Variants in C12orf56 observed in about 807,000 individuals in gnomAD.
C12orf56 encodes uncharacterized protein C12orf56.
In C12orf56, 71 loss-of-function variants were observed where a neutral mutation model predicts 69.9. The ratio of observed to expected loss-of-function variants is 1.02; its 90% CI spans 0.84 to 1.24. The LOEUF (loss-of-function observed/expected upper bound fraction) is 1.24, where lower values mean the gene tolerates loss of function less well. C12orf56 is among the 50% of genes most tolerant of loss of function. The pLI is 0.00. For missense variants in C12orf56, 732 were observed against 738.5 expected, an observed-to-expected ratio of 0.99 and a Z score of 0.10; for synonymous variants, 276 against 274.1, an observed-to-expected ratio of 1.01 and a Z score of -0.07.
chr12:64,380,135 C>CAAAA (rs796914776), intron 1 of C12orf56, among the ~76,000 whole-genome samples: 1 of 43,262 alleles, frequency 2.3e-5, no homozygotes, highest in African/African-American at 6.2e-5. Flanking sequence ...AAAAAAAAAA[C>CAAAA]AAAACAAACA....
chr12:64,336,559 A>G (rs1282572579), intron 2 of C12orf56, among the ~76,000 whole-genome samples: 1 of 152,168 alleles, frequency 6.6e-6, no homozygotes, highest in Non-Finnish European at 1.5e-5. Context: ...TAGATACCCT[A>G]ATTAGTGTGA....
intron 6 of C12orf56, among the ~76,000 whole-genome samples, chr12:64,299,799 A>G (rs1270491541): frequency 6.6e-6 from 1 of 152,202 alleles, no homozygotes; most frequent in Non-Finnish European, 1.5e-5. Context: ...CAGATTAGGC[A>G]TGAAAACTGT....
At chr12:64,296,216 T>C in intron 6 of C12orf56, among the ~76,000 whole-genome samples, 1 of 152,172 alleles carries the variant, frequency 6.6e-6, no homozygotes. Context: ...AGAAAAAGCC[T>C]AGATTGCAAT....
chr12:64,307,660 C>T lies in C12orf56; in HGVS notation c.969-3881G>A, dbSNP rs145435842. Among the ~76,000 whole-genome samples, 737 of 152,128 alleles carry T rather than the reference C, an allele frequency of 4.8e-3. 4 individuals carry two copies. Among genetic ancestry groups the T allele is most frequent in the African/African-American group, 0.017 (690 of 41,526 alleles). On this transcript the variant is annotated intron_variant, in intron 5 of 12. Coordinates refer to ENST00000543942, the MANE Select transcript of C12orf56 (RefSeq NM_001170633.2). Reference sequence around the variant, plus strand: ...CTGGGATTACAGGCGTGAGCCACCTCGCCCGGCCAGACTCAGACCATTTTC... The same window carrying T: ...CTGGGATTACAGGCGTGAGCCACCTTGCCCGGCCAGACTCAGACCATTTTC...
At chr12:64,334,221 G>A in intron 2 of C12orf56, among the ~76,000 whole-genome samples, 1 of 152,190 alleles carries the variant, frequency 6.6e-6, no homozygotes, top group Non-Finnish European at 1.5e-5. Context: ...GGGGAAGATG[G>A]TCAGGCTTCC....
At chr12:64,297,011 A>G (rs1230294112) in intron 6 of C12orf56, among the ~76,000 whole-genome samples, 1 of 152,058 alleles carries the variant, frequency 6.6e-6, no homozygotes. Flanking sequence ...TATTCTTATA[A>G]ATTACCAAGT....
At chr12:64,339,697 G>A (rs1404203148) in intron 2 of C12orf56, among the ~76,000 whole-genome samples, 1 of 152,002 alleles carries the variant, frequency 6.6e-6, no homozygotes, top group Non-Finnish European at 1.5e-5. Context: ...TGAGTAGCTG[G>A]GACTACAGGT....
chr12:64,347,640 T>TTCTTCTTCTTCTTCTACCTTC (rs1592474779), intron 2 of C12orf56, among the ~76,000 whole-genome samples: 2 of 152,294 alleles, frequency 1.3e-5, no homozygotes, highest in East Asian at 3.9e-4. Flanking sequence ...TTCTTCTACC[T>TTCTTCTTCTTCTTCTACCTTC]GTCTCTCTAG....
chr12:64,311,427 A>G (rs189273331), intron 5 of C12orf56, among the ~76,000 whole-genome samples: 377 of 152,108 alleles, frequency 2.5e-3, no homozygotes, highest in Non-Finnish European at 4.2e-3. Context: ...AAAAAAAACA[A>G]AAACAGAAAG....
chr12:64,314,881 C>T (rs1487913377), intron 4 of C12orf56, among the ~76,000 whole-genome samples: 1 of 150,208 alleles, frequency 6.7e-6, no homozygotes, highest in African/African-American at 2.4e-5. Flanking sequence ...CTGATCCGCC[C>T]GCCTCGGCCT....
intron 5 of C12orf56, among the ~76,000 whole-genome samples, chr12:64,308,951 GAAAGAAAGAAAGAAAGAAAGAAAA>G (rs2038566698): frequency 1.1e-5 from 1 of 90,292 alleles, no homozygotes; most frequent in Admixed American, 1.2e-4. Context: ...AAGAAAGAAA[GAAAGAAAGAAAGAAAGAAAGAAAA>G]GAAAGAAAGA....
chr12:64,284,590 C>T (rs2038174866), intron 8 of C12orf56, 74 bp downstream of exon 8: 8 of 1,081,412 alleles, frequency 7.4e-6, no homozygotes, highest in Middle Eastern at 2.0e-4. Flanking sequence ...GAATTATGTG[C>T]TTTGGAAGAC....
chr12:64,286,102 C>A, intron 6 of C12orf56, 42 bp from the exon 7 acceptor site: 1 of 1,285,182 alleles, frequency 7.8e-7, no homozygotes, highest in East Asian at 2.4e-5. Flanking sequence ...ATTAAGGTAT[C>A]TGTTGTTAAA....
At chr12:64,370,349 C>T (rs1211288117) in intron 1 of C12orf56, among the ~76,000 whole-genome samples, 1 of 148,584 alleles carries the variant, frequency 6.7e-6, no homozygotes, top group Non-Finnish European at 1.5e-5. Context: ...TGCCCATGCG[C>T]CCCCCCAAAA....
At chr12:64,300,902 G>T (rs2038435257) in intron 6 of C12orf56, among the ~76,000 whole-genome samples, 1 of 152,150 alleles carries the variant, frequency 6.6e-6, no homozygotes, top group Non-Finnish European at 1.5e-5. Flanking sequence ...ATCTTGAATT[G>T]TAATCCCCAC....
intron 3 of C12orf56, among the ~76,000 whole-genome samples, chr12:64,329,493 G>GTTTA (rs148485048): frequency 0.041 from 6,056 of 147,926 alleles, 197 homozygotes; most frequent in African/African-American, 0.085. Flanking sequence ...TGTAGTAATG[G>GTTTA]TTTATTTATT....
At chr12:64,279,277 A>G (rs2064544168) in intron 8 of C12orf56, among the ~76,000 whole-genome samples, 1 of 152,104 alleles carries the variant, frequency 6.6e-6, no homozygotes, top group Non-Finnish European at 1.5e-5. Flanking sequence ...TTTACTTTCC[A>G]ATGTGGGGTA....
intron 1 of C12orf56, among the ~76,000 whole-genome samples, chr12:64,355,389 C>A (rs2039297484): frequency 6.6e-6 from 1 of 152,110 alleles, no homozygotes; most frequent in Non-Finnish European, 1.5e-5. Flanking sequence ...CACCACTCAA[C>A]TTTCTCTGAC....
At chr12:64,325,867 C>A (rs2038832197) in intron 3 of C12orf56, among the ~76,000 whole-genome samples, 1 of 152,290 alleles carries the variant, frequency 6.6e-6, no homozygotes, top group African/African-American at 2.4e-5. Flanking sequence ...ATTCCCTAAT[C>A]TCCCCTATTG....
Sources: allele counts gnomAD v4.1 joint callset (sites outside exome capture counted in the v4.1 genomes callset), GRCh38; gene constraint gnomAD v4.1.1; transcripts MANE v1.5; gene names NCBI Gene and HGNC (gene_info 2026-07-23, HGNC 2026-07-21).